Variants in CLYBL observed in about 807,000 individuals in gnomAD.
CLYBL encodes citramalyl-CoA lyase, mitochondrial.
A neutral mutation model predicts 38.9 loss-of-function variants in CLYBL; 31 were observed. The ratio of observed to expected loss-of-function variants is 0.80; its 90% CI spans 0.60 to 1.08. The LOEUF is 1.08. CLYBL is among the 50% of genes least tolerant of loss of function. The pLI is 0.00. For synonymous variants in CLYBL, 171 were observed against 158.6 expected (o/e 1.08, Z -0.59); for missense variants, 434 against 411.6 (o/e 1.05, Z -0.47).
rs147058931 is a variant in CLYBL at position 99,829,703 on chromosome 13, C to T, written c.250-29158C>T. On this transcript the variant is annotated intron_variant, in intron 2 of 8. Transcript: ENST00000339105. ...AAAGTAGGGACATTAGCTCCAGTTA[C>T]GTCACCTTTCCTCTAAGGGTACAGT... 5.9e-4 allele frequency among the ~76,000 whole-genome samples: 90 copies of T among 152,296 alleles called. 1 individual carries two copies. The East Asian group carries it at 0.016, about 26-fold the overall frequency.
At chr13:99,880,064 A>T (rs1206528475) in intron 7 of CLYBL, among the ~76,000 whole-genome samples, 9 of 61,884 alleles carry the variant, frequency 1.5e-4, no homozygotes, top group Admixed American at 3.9e-4. Flanking sequence ...ATATATATAT[A>T]TATATTTTTT....
chr13:99,667,916 A>G (rs2139352726), intron 1 of CLYBL, among the ~76,000 whole-genome samples: 1 of 152,312 alleles, frequency 6.6e-6, no homozygotes, highest in Admixed American at 6.5e-5. Flanking sequence ...ATCATTTTTT[A>G]TTAATGCTTG....
At chr13:99,769,444 A>G (rs1210712809) in intron 1 of CLYBL, among the ~76,000 whole-genome samples, 1 of 152,214 alleles carries the variant, frequency 6.6e-6, no homozygotes. Flanking sequence ...GTGTGGTTAC[A>G]TTAAATCCTG....
At chr13:99,717,539 A>C (rs2048336743) in intron 1 of CLYBL, among the ~76,000 whole-genome samples, 1 of 150,954 alleles carries the variant, frequency 6.6e-6, no homozygotes, top group Non-Finnish European at 1.5e-5. Flanking sequence ...AGTTCACTGC[A>C]TCCTCTGCCT....
rs71439619 is a variant in CLYBL at position 99,809,351 on chromosome 13, T to G, written c.249+36341T>G. ...GTTACTTCTGGGAGCCTCCCTTCTG[T>G]GCATGACCAGTGTCATGTGGAAGAC... On this transcript the variant is annotated intron_variant, in intron 2 of 8. Coordinates refer to ENST00000339105, the MANE Select transcript of CLYBL (RefSeq NM_206808.5). 2.9e-3 allele frequency among the ~76,000 whole-genome samples: 447 copies of G among 152,344 alleles called. 2 individuals are homozygous for G. Among genetic ancestry groups the G allele is most frequent in the South Asian group, 0.019 (91 of 4,832 alleles).
At chr13:99,689,518 A>G (rs1043631313) in intron 1 of CLYBL, among the ~76,000 whole-genome samples, 7 of 152,240 alleles carry the variant, frequency 4.6e-5, no homozygotes, top group African/African-American at 1.4e-4. Context: ...TTTTAATTCC[A>G]TGATTCTCAG....
intron 2 of CLYBL, among the ~76,000 whole-genome samples, chr13:99,815,922 A>T (rs1456199036): frequency 1.3e-5 from 2 of 152,160 alleles, no homozygotes; most frequent in South Asian, 2.1e-4. Context: ...AAATTTTAAA[A>T]TTTTTTGTTA....
chr13:99,710,010 G>A (rs183295501), intron 1 of CLYBL, among the ~76,000 whole-genome samples: 198 of 137,202 alleles, frequency 1.4e-3, no homozygotes, highest in Non-Finnish European at 2.4e-3. Flanking sequence ...TGCAAGCTCC[G>A]CCTCCCAGGT....
chr13:99,893,171 C>T (rs537207374), downstream of CLYBL: 6 of 152,490 alleles, frequency 3.9e-5, no homozygotes, highest in Admixed American at 3.9e-4. Context: ...GGAGCTAGCC[C>T]CATCCTCACT....
At chr13:99,703,610 C>T (rs555453568) in intron 1 of CLYBL, among the ~76,000 whole-genome samples, 62 of 152,254 alleles carry the variant, frequency 4.1e-4, no homozygotes, top group African/African-American at 1.3e-3. Context: ...CCTCGTGATC[C>T]GCCCACCTTG....
At chr13:99,695,840 CA>C in intron 1 of CLYBL, among the ~76,000 whole-genome samples, 1 of 152,196 alleles carries the variant, frequency 6.6e-6, no homozygotes, top group Non-Finnish European at 1.5e-5. Context: ...TCTCTGGGTA[CA>C]GGGCAGGACA....
intron 1 of CLYBL, among the ~76,000 whole-genome samples, chr13:99,675,256 G>C (rs891388424): frequency 2.0e-5 from 3 of 152,114 alleles, no homozygotes; most frequent in Admixed American, 2.0e-4. Context: ...CATACATAAA[G>C]GGGACCAGGA....
At chr13:99,798,978 T>C (rs1219917686) in intron 2 of CLYBL, among the ~76,000 whole-genome samples, 2 of 152,212 alleles carry the variant, frequency 1.3e-5, no homozygotes, top group African/African-American at 4.8e-5. Flanking sequence ...TGGATTAGCA[T>C]TTTTTGACAA....
chr13:99,619,912 T>C (rs2046768072), intron 1 of CLYBL, among the ~76,000 whole-genome samples: 1 of 152,192 alleles, frequency 6.6e-6, no homozygotes, highest in African/African-American at 2.4e-5. Flanking sequence ...TGACCAGAGA[T>C]TGAAGATAAA....
At chr13:99,618,205 G>C (rs2046742333) in intron 1 of CLYBL, among the ~76,000 whole-genome samples, 1 of 152,020 alleles carries the variant, frequency 6.6e-6, no homozygotes, top group Non-Finnish European at 1.5e-5. Context: ...AATATTTTGA[G>C]TGTTTCTAAA....
chr13:99,676,850 C>T (rs539508072), intron 1 of CLYBL, among the ~76,000 whole-genome samples: 1 of 149,218 alleles, frequency 6.7e-6, no homozygotes, highest in South Asian at 2.1e-4. Flanking sequence ...GGTGATCTGC[C>T]CACCTCAGCC....
At chr13:99,736,779 C>T (rs1476613586) in intron 1 of CLYBL, among the ~76,000 whole-genome samples, 1 of 152,162 alleles carries the variant, frequency 6.6e-6, no homozygotes, top group African/African-American at 2.4e-5. Flanking sequence ...AGCCCCTCCC[C>T]ACCAGGCTTC....
At chr13:99,638,279 C>T (rs2047050512) in intron 1 of CLYBL, among the ~76,000 whole-genome samples, 1 of 152,142 alleles carries the variant, frequency 6.6e-6, no homozygotes, top group South Asian at 2.1e-4. Context: ...TTAAACTACA[C>T]CTGTTAACCT....
At chr13:99,793,421 A>G (rs1001294382) in intron 2 of CLYBL, among the ~76,000 whole-genome samples, 1 of 152,182 alleles carries the variant, frequency 6.6e-6, no homozygotes, top group Non-Finnish European at 1.5e-5. Flanking sequence ...GGAAAGCTGA[A>G]CTGTGCTTAG....
Sources: allele counts gnomAD v4.1 joint callset (sites outside exome capture counted in the v4.1 genomes callset), GRCh38; gene constraint gnomAD v4.1.1; transcripts MANE v1.5; gene names NCBI Gene and HGNC (gene_info 2026-07-23, HGNC 2026-07-21).